PGAP3: variants seen among roughly 807,000 people sequenced by gnomAD.
PGAP3 encodes the protein post-GPI attachment to proteins phospholipase 3, also known as GPI-specific phospholipase A2-like PGAP3.
In PGAP3, 31 loss-of-function variants were observed where a neutral mutation model predicts 40.3. The ratio of observed to expected loss-of-function variants is 0.77; its 90% CI spans 0.58 to 1.04. The LOEUF (loss-of-function observed/expected upper bound fraction) is 1.04, where lower values mean the gene tolerates loss of function less well. PGAP3 is among the 50% of genes least tolerant of loss of function. The probability of loss-of-function intolerance (pLI) is 0.00; values close to 1 mark genes in which losing one functional copy is unlikely to be tolerated. For missense variants in PGAP3, 413 were observed against 423.0 expected, an observed-to-expected ratio of 0.98 and a Z score of 0.21; for synonymous variants, 191 against 184.5, an observed-to-expected ratio of 1.04 and a Z score of -0.29.
At position 39,687,933 on chromosome 17, in the gene PGAP3, C is replaced by G. The variant is rs1455382796; in HGVS notation, c.82G>C (p.Val28Leu). The part of the protein sequence containing the change: ...ASGSQGDREP[V>L]YRDCVLQCEE... ...CACTGCAGTACGCAGTCGCGGTACA[C>G]CGGCTCACGGTCGCCCTGGGAGCCG... The change falls in exon 1 of 8, where the codon GTG (valine) becomes CTG (leucine). Residue 28 changes from valine to leucine, a missense_variant. Transcript: ENST00000300658. 2.0e-6 allele frequency: 3 copies of G among 1,493,894 alleles called. No homozygotes were observed. The highest frequency in any genetic ancestry group is 2.7e-5 in the East Asian group (1 of 37,564). 92.5% of individuals were successfully genotyped at this position (1,493,894 alleles called of 1,614,324 possible).
chr17:39,673,954 G>C (rs781342238), intron 5 of PGAP3, 39 bp downstream of exon 5: 2 of 1,598,680 alleles, frequency 1.3e-6, no homozygotes, highest in Non-Finnish European at 1.7e-6. Flanking sequence ...CTGCCCCCAG[G>C]GTTCGATTTT....
chr17:39,679,814 T>C (rs1191544747), intron 3 of PGAP3, among the ~76,000 whole-genome samples: 2 of 152,144 alleles, frequency 1.3e-5, no homozygotes, highest in African/African-American at 4.8e-5. Context: ...ACAGCTACAA[T>C]GGGGCCAAGG....
rs536755358 is a variant in PGAP3, at chr17:39,681,296, A to T, written c.432+3301T>A. Among the ~76,000 whole-genome samples, 11 of 152,222 alleles carry T rather than the reference A, an allele frequency of 7.2e-5. No homozygotes were observed. The East Asian group carries it at 2.1e-3, about 29-fold the overall frequency. ...GTGGACTCTGGAGCCAGATGCCTGA[A>T]TTCAAACCCTGGCTCGGTGATCTGT... On this transcript the variant is annotated intron_variant, in intron 3 of 7. Transcript: ENST00000300658.
chr17:39,674,179 TCTGA>T (rs989253232), intron 4 of PGAP3, 125 bp from the exon 5 acceptor site: 4 of 931,094 alleles, frequency 4.3e-6, no homozygotes, highest in African/African-American at 3.3e-5. Flanking sequence ...ACTGTTTCAC[TCTGA>T]CTGAGTCTTG....
chr17:39,672,328 A>G lies in PGAP3; in HGVS notation c.*475T>C, dbSNP rs1394435211. On this transcript the variant is annotated 3_prime_UTR_variant, in exon 8 of 8. Transcript: ENST00000300658. Reference sequence around the variant, plus strand: ...GAATCGCCGTGAACCTTGGCTGGCCAAAGAACAAGCATCCAGCACCACCTA... The same window carrying G: ...GAATCGCCGTGAACCTTGGCTGGCCGAAGAACAAGCATCCAGCACCACCTA... 1 of 170,052 alleles carries G rather than the reference A, an allele frequency of 5.9e-6. No homozygotes were observed. The allele number at this position is 170,052 out of a possible 1,614,324, so 10.5% of individuals were successfully genotyped here. A position where few individuals can be genotyped will look rare whatever the true frequency, so the allele number is the denominator to read the frequency against.
chr17:39,673,354 ACT>A, intron 6 of PGAP3, 99 bp from the exon 7 acceptor site: 1 of 1,546,466 alleles, frequency 6.5e-7, no homozygotes, highest in South Asian at 1.2e-5. Flanking sequence ...TCATCCTCGG[ACT>A]CTCCTCCCAG....
intron 3 of PGAP3, among the ~76,000 whole-genome samples, chr17:39,675,836 A>C (rs2057369249): frequency 1.3e-5 from 2 of 152,180 alleles, no homozygotes; most frequent in African/African-American, 4.8e-5. Flanking sequence ...GGAAGGCGCA[A>C]GGCTGCCTAG....
intron 3 of PGAP3, among the ~76,000 whole-genome samples, chr17:39,675,970 T>C (rs1294590139): frequency 2.6e-5 from 4 of 152,102 alleles, no homozygotes; most frequent in Non-Finnish European, 5.9e-5. Flanking sequence ...CAAGTGAAAC[T>C]TCAGTTCCTT....
chr17:39,687,557 C>T lies in PGAP3; in HGVS notation c.181+277G>A, dbSNP rs532156255. Reference sequence around the variant, plus strand: ...CATGTCCCCGTGGGGACTGTGAGTCCCAATGGGCGGGACCCTGGTCTGATT... The same window carrying T: ...CATGTCCCCGTGGGGACTGTGAGTCTCAATGGGCGGGACCCTGGTCTGATT... On this transcript the variant is annotated intron_variant, in intron 1 of 7. Coordinates refer to ENST00000300658, the MANE Select transcript of PGAP3 (RefSeq NM_033419.5). Among the ~76,000 whole-genome samples the T allele has an allele frequency of 1.4e-3, 220 of 152,246 alleles. 1 individual carries two copies. The highest frequency in any genetic ancestry group is 5.0e-3 in the African/African-American group (209 of 41,534).
chr17:39,679,710 G>A (rs572124921), intron 3 of PGAP3, among the ~76,000 whole-genome samples: 43 of 152,312 alleles, frequency 2.8e-4, no homozygotes, highest in Admixed American at 2.6e-4. Context: ...GACAGTGTGT[G>A]CCGATGCCAG....
chr17:39,684,514 A>G, intron 3 of PGAP3, 83 bp downstream of exon 3: 8 of 1,431,160 alleles, frequency 5.6e-6, no homozygotes, highest in Non-Finnish European at 6.6e-6. Flanking sequence ...GGTAAGTAGA[A>G]GCCCTGTTGG....
chr17:39,673,303 C>T (rs1339333813), intron 6 of PGAP3, 48 bp from the exon 7 acceptor site: 2 of 1,557,094 alleles, frequency 1.3e-6, no homozygotes, highest in East Asian at 4.8e-5. Context: ...GGCTCCTTCT[C>T]CCCAAGGCCA....
chr17:39,678,397 G>T (rs1597818841), intron 3 of PGAP3, among the ~76,000 whole-genome samples: 1 of 152,158 alleles, frequency 6.6e-6, no homozygotes, highest in Non-Finnish European at 1.5e-5. Flanking sequence ...CACACAGCAG[G>T]GGCCCCTACT....
rs946939541 is a variant in PGAP3 at position 39,684,639 on chromosome 17, T to C, written c.390A>G (p.Pro130=). ...AGGTGTGGTACATGGGGGAGGAGGC[T>C]GGCACGAAGGTGCGGTAGCGGCAGA... ...VMLCRYRTFV[P]ASSPMYHTCV... is the part of the protein sequence containing the mutation. Residue 130 remains proline (P), a synonymous_variant, in exon 3 of 8, where the codon CCA becomes CCG. Transcript: ENST00000300658. The C allele has an allele frequency of 6.2e-7, 1 of 1,614,072 alleles. No homozygotes were observed. The highest frequency in any genetic ancestry group is 8.5e-7 in the Non-Finnish European group (1 of 1,179,976).
chr17:39,687,702 T>C, intron 1 of PGAP3, 132 bp downstream of exon 1: 1 of 641,436 alleles, frequency 1.6e-6, no homozygotes. Context: ...TCTCATCACC[T>C]TAGGGGCTTC....
intron 3 of PGAP3, among the ~76,000 whole-genome samples, chr17:39,681,368 G>C (rs1006964128): frequency 3.9e-5 from 6 of 152,102 alleles, no homozygotes; most frequent in African/African-American, 1.4e-4. Context: ...TCTATAAACT[G>C]GGGATGAGAA....
rs1328433133 is a variant in PGAP3 at position 39,687,816 on chromosome 17, C to A, written c.181+18G>T. 79 of 1,368,466 alleles carry A rather than the reference C, an allele frequency of 5.8e-5. No homozygotes were observed. Among genetic ancestry groups the A allele is most frequent in the Middle Eastern group, 2.2e-4 (1 of 4,560 alleles). The allele number at this position is 1,368,466 out of a possible 1,614,324, so 84.8% of individuals were successfully genotyped here. On this transcript the variant is annotated intron_variant, in intron 1 of 7. Coordinates refer to ENST00000300658, the MANE Select transcript of PGAP3 (RefSeq NM_033419.5). ...AGCAAGACAAATGGGCGGGGCTTAC[C>A]GTGGGGGTGGGGCTTACCTGCTAGA...
Position 39,672,786 on chromosome 17 carries a change from G to C in PGAP3, c.*17C>G. The C allele has an allele frequency of 6.2e-7, 1 of 1,613,292 alleles. No homozygotes were observed. The stretch of plus-strand genomic sequence containing the variant: ...CGGGGGCAGGATCCCCACTGGGGCA[G>C]ACTCGCTCCAAGGTCTTCAGTCCAG... On this transcript the variant is annotated 3_prime_UTR_variant, in exon 8 of 8. Transcript: ENST00000300658.
chr17:39,685,820 A>G, intron 2 of PGAP3, 102 bp downstream of exon 2: 1 of 1,072,148 alleles, frequency 9.3e-7, no homozygotes, highest in Non-Finnish European at 1.4e-6. Flanking sequence ...ACACACACGC[A>G]TTACCCCATG....
Sources: allele counts gnomAD v4.1 joint callset (sites outside exome capture counted in the v4.1 genomes callset), GRCh38; gene constraint gnomAD v4.1.1; transcripts MANE v1.5; gene names NCBI Gene and HGNC (gene_info 2026-07-23, HGNC 2026-07-21).